Variants in KIF20B observed in about 807,000 individuals in gnomAD.
KIF20B encodes kinesin-like protein KIF20B.
Under a neutral mutation model 232.5 loss-of-function variants are expected in KIF20B, and 188 were observed. The ratio of observed to expected loss-of-function variants is 0.81; its 90% CI spans 0.72 to 0.91. The LOEUF is 0.91. Among genes scored for constraint, KIF20B ranks in the 40% least tolerant of loss-of-function variants. The pLI, the probability that KIF20B is intolerant of heterozygous loss-of-function variation, is 0.00. For missense variants in KIF20B, 2,154 were observed against 2,055.9 expected (o/e 1.05, Z -0.92); for synonymous variants, 712 against 683.0 (o/e 1.04, Z -0.66).
intron 26 of KIF20B, among the ~76,000 whole-genome samples, chr10:89,756,301 A>G (rs1206514842): frequency 6.6e-6 from 1 of 152,230 alleles, no homozygotes; most frequent in African/African-American, 2.4e-5. Context: ...CCTATCACCC[A>G]ACCTTCCTGA....
In KIF20B at chr10:89,763,390, G is replaced by A. The variant is rs112923215; in HGVS notation, c.4989+555G>A. Among the ~76,000 whole-genome samples the A allele has an allele frequency of 4.6e-3, 701 of 152,266 alleles. 6 individuals are homozygous for A. The highest frequency in any genetic ancestry group is 0.016 in the African/African-American group (645 of 41,554). ...AAACTATAATACATCAAATGATGGT[G>A]GATTTTACTGGAGAGCCATTTCAGT... is the stretch of plus-strand genomic sequence containing the variant. On this transcript the variant is annotated intron_variant, in intron 29 of 32. Transcript: ENST00000371728.
At position 89,738,329 on chromosome 10, in the gene KIF20B, TAAAG is replaced by T. The variant is rs770835237; in HGVS notation, c.3489_3492del (p.Ile1163MetfsTer7). The T allele has an allele frequency of 1.9e-6, 3 of 1,611,284 alleles. No individual in the cohort carries two copies. Among genetic ancestry groups the T allele is most frequent in the African/African-American group, 1.3e-5 (1 of 74,698 alleles). ...GGTGTTACTTGCTATAAGGCAAAAATAAAGGAACTTGAAACAATTTTAGAGACTC... is the reference window on the plus strand; with the variant it reads ...GGTGTTACTTGCTATAAGGCAAAAATGAACTTGAAACAATTTTAGAGACTC... On this transcript the variant is annotated frameshift_variant, in exon 20 of 33. Coordinates refer to ENST00000371728, the MANE Select transcript of KIF20B (RefSeq NM_001284259.2). LOFTEE classifies it high-confidence loss of function.
intron 1 of KIF20B, among the ~76,000 whole-genome samples, chr10:89,703,036 A>G (rs1446477435): frequency 6.6e-6 from 1 of 152,256 alleles, no homozygotes; most frequent in African/African-American, 2.4e-5. Context: ...ATACTTTATT[A>G]TAACTGCTTT....
intron 6 of KIF20B, 66 bp from the exon 7 acceptor site, chr10:89,713,981 A>T: frequency 1.4e-6 from 1 of 710,142 alleles, no homozygotes; most frequent in Non-Finnish European, 2.2e-6. Context: ...ATAGGTAATT[A>T]ATATCTTGAT....
At chr10:89,728,904 T>TC (rs1843250968) in intron 17 of KIF20B, among the ~76,000 whole-genome samples, 1 of 119,606 alleles carries the variant, frequency 8.4e-6, no homozygotes. Flanking sequence ...TTCTTTTTTC[T>TC]TTGTGTGTGT....
intron 8 of KIF20B, among the ~76,000 whole-genome samples, chr10:89,715,989 T>G (rs1842926837): frequency 8.6e-6 from 1 of 115,868 alleles, no homozygotes; most frequent in African/African-American, 3.4e-5. Flanking sequence ...AAACCTTGTC[T>G]CCAAAATAAA....
intron 21 of KIF20B, among the ~76,000 whole-genome samples, chr10:89,741,365 A>G (rs953455483): frequency 1.3e-5 from 2 of 152,210 alleles, no homozygotes; most frequent in African/African-American, 4.8e-5. Context: ...TGTGTGGCCC[A>G]GTTCCTAACA....
At chr10:89,763,877 T>C (rs2133170234) in intron 29 of KIF20B, among the ~76,000 whole-genome samples, 1 of 140,346 alleles carries the variant, frequency 7.1e-6, no homozygotes, top group African/African-American at 2.5e-5. Flanking sequence ...GTATTATTTA[T>C]TTATATATTT....
At chr10:89,766,799 G>A (rs2133175444) in intron 29 of KIF20B, among the ~76,000 whole-genome samples, 1 of 152,032 alleles carries the variant, frequency 6.6e-6, no homozygotes, top group Middle Eastern at 3.4e-3. Flanking sequence ...TGCTACACAT[G>A]TAACACCTTT....
In KIF20B at chr10:89,719,671, G is replaced by GA. The variant is rs1843009371; in HGVS notation, c.1691dup (p.Asn564LysfsTer2). On this transcript the variant is annotated frameshift_variant, in exon 13 of 33. Transcript: ENST00000371728. LOFTEE classifies it high-confidence loss of function. ...TGAAGATCTAGATAAAACATTAGAGGAAAATAAGGCTTTCATTAGCCACGA... is the reference window on the plus strand; with the variant it reads ...TGAAGATCTAGATAAAACATTAGAGGAAAAATAAGGCTTTCATTAGCCACGA... 7 of 1,609,044 alleles carry GA rather than the reference G, an allele frequency of 4.4e-6. No homozygotes were observed. The highest frequency in any genetic ancestry group is 5.9e-6 in the Non-Finnish European group (7 of 1,178,436).
chr10:89,724,633 G>T (rs1302641198), intron 14 of KIF20B, among the ~76,000 whole-genome samples: 3 of 151,964 alleles, frequency 2.0e-5, no homozygotes, highest in African/African-American at 7.3e-5. Flanking sequence ...ATGGAGTCTT[G>T]TGCTGTCACC....
intron 1 of KIF20B, among the ~76,000 whole-genome samples, chr10:89,703,407 C>T (rs758312899): frequency 6.6e-6 from 1 of 152,132 alleles, no homozygotes; most frequent in Non-Finnish European, 1.5e-5. Flanking sequence ...AAAGGAAATC[C>T]GTCTCAGTTT....
chr10:89,738,150 G>T lies in KIF20B; in HGVS notation c.3309G>T (p.Lys1103Asn). 1 of 1,326,770 alleles carries T rather than the reference G, an allele frequency of 7.5e-7. No individual in the cohort carries two copies. Among genetic ancestry groups the T allele is most frequent in the Middle Eastern group, 1.9e-4 (1 of 5,136 alleles). The allele number at this position is 1,326,770 out of a possible 1,614,324, so 82.2% of individuals were successfully genotyped here. A position where few individuals can be genotyped will look rare whatever the true frequency, so the allele number is the denominator to read the frequency against. ...KGYKDENNRL[K>N]EKEHKNQDDL... Reference sequence around the variant, plus strand: ...ATAAGGATGAAAACAATAGACTAAAGGAGAAGGAGCATAAAAACCAAGATG... The same window carrying T: ...ATAAGGATGAAAACAATAGACTAAATGAGAAGGAGCATAAAAACCAAGATG... Residue 1103 changes from lysine to asparagine, a missense_variant, in exon 20 of 33, where the codon AAG becomes AAT. By Grantham distance (94) the Lys-to-Asn change is moderately conservative. Transcript: ENST00000371728.
At chr10:89,763,108 C>G (rs996652933) in intron 29 of KIF20B, among the ~76,000 whole-genome samples, 2 of 152,046 alleles carry the variant, frequency 1.3e-5, no homozygotes, top group African/African-American at 4.8e-5. Context: ...ATGGTAAAAC[C>G]CGTCTCTACT....
At chr10:89,727,823 G>T (rs1843223034) in intron 16 of KIF20B, 33 bp from the exon 17 acceptor site, 1 of 1,503,122 alleles carries the variant, frequency 6.7e-7, no homozygotes, top group South Asian at 1.2e-5. Context: ...TAGATGCTTA[G>T]ATATTTATTT....
intron 8 of KIF20B, 144 bp from the exon 9 acceptor site, chr10:89,716,292 T>A (rs545581703): frequency 5.8e-6 from 3 of 517,240 alleles, no homozygotes; most frequent in Non-Finnish European, 1.0e-5. Context: ...TAACCTGAAA[T>A]AGCTGAGTTG....
In KIF20B at chr10:89,709,070, C is replaced by CA. The variant is rs1237780256; in HGVS notation, c.148-96dup. The CA allele has an allele frequency of 5.1e-6, 4 of 787,834 alleles. No individual in the cohort carries two copies. The African/African-American group carries it at 7.0e-5, about 14-fold the overall frequency. The allele number at this position is 787,834 out of a possible 1,614,324, so 48.8% of individuals were successfully genotyped here. A position where few individuals can be genotyped will look rare whatever the true frequency, so the allele number is the denominator to read the frequency against. ...ACTGCTTAGAAATTCTTTATCATCTCAGATTATTATGTAAAAAGTAGCCAT... is the reference window on the plus strand; with the variant it reads ...ACTGCTTAGAAATTCTTTATCATCTCAAGATTATTATGTAAAAAGTAGCCAT... On this transcript the variant is annotated intron_variant, in intron 2 of 32. Coordinates refer to ENST00000371728, the MANE Select transcript of KIF20B (RefSeq NM_001284259.2).
At chr10:89,755,418 CCCTCCCCTCCCCCCTTT>C (rs1842099491) in intron 26 of KIF20B, among the ~76,000 whole-genome samples, 2 of 107,136 alleles carry the variant, frequency 1.9e-5, no homozygotes, top group South Asian at 8.1e-4. Context: ...TCCTTTCCTT[CCCTCCCCTCCCCCCTTT>C]CCTTCCCTCC....
At chr10:89,709,567 C>G (rs1423562036) in intron 4 of KIF20B, 106 bp downstream of exon 4, 1 of 704,720 alleles carries the variant, frequency 1.4e-6, no homozygotes. Flanking sequence ...TATGCTTATG[C>G]AACTTAGATT....
Sources: allele counts gnomAD v4.1 joint callset (sites outside exome capture counted in the v4.1 genomes callset), GRCh38; gene constraint gnomAD v4.1.1; transcripts MANE v1.5; gene names NCBI Gene and HGNC (gene_info 2026-07-23, HGNC 2026-07-21).